Variants in SPAG9 observed in about 807,000 individuals in gnomAD.
SPAG9 encodes the protein C-Jun-amino-terminal kinase-interacting protein 4.
In SPAG9, 35 loss-of-function variants were observed where a neutral mutation model predicts 166.5. The ratio of observed to expected loss-of-function variants is 0.21; its 90% CI spans 0.16 to 0.28. The LOEUF (loss-of-function observed/expected upper bound fraction) is 0.28. Ranked by LOEUF, SPAG9 falls within the 10% of genes least tolerant of loss-of-function variation. The pLI is 1.00. For missense variants in SPAG9, 1,235 were observed against 1,603.3 expected (o/e 0.77, Z 3.92); for synonymous variants, 534 against 565.5 (o/e 0.94, Z 0.79).
intron 28 of SPAG9, among the ~76,000 whole-genome samples, chr17:50,972,958 A>G (rs776877805): frequency 2.0e-4 from 31 of 152,230 alleles, no homozygotes; most frequent in Non-Finnish European, 4.0e-4. Flanking sequence ...ATCCTTACAC[A>G]TGCACACAAG....
At chr17:51,008,697 G>T (rs1402206563) in intron 9 of SPAG9, among the ~76,000 whole-genome samples, 4 of 151,954 alleles carry the variant, frequency 2.6e-5, no homozygotes, top group African/African-American at 9.7e-5. Context: ...ACACCAGAAA[G>T]AATTAAATAT....
Position 50,966,036 on chromosome 17 carries a change from T to C in SPAG9, c.*236A>G. The C allele has an allele frequency of 2.3e-6, 1 of 428,024 alleles. No homozygotes were observed. Among genetic ancestry groups the C allele is most frequent in the Non-Finnish European group, 4.3e-6 (1 of 232,382 alleles). The allele number at this position is 428,024 out of a possible 1,614,324, so 26.5% of individuals were successfully genotyped here. A position where few individuals can be genotyped will look rare whatever the true frequency, so the allele number is the denominator to read the frequency against. Reference sequence around the variant, plus strand: ...TTCACCAGTTTGCAGGAAGTAAACATTCTTTGATTTGTTCATAATATACTG... The same window carrying C: ...TTCACCAGTTTGCAGGAAGTAAACACTCTTTGATTTGTTCATAATATACTG... On this transcript the variant is annotated 3_prime_UTR_variant, in exon 30 of 30. Coordinates refer to ENST00000262013, the MANE Select transcript of SPAG9 (RefSeq NM_001130528.3).
intron 4 of SPAG9, among the ~76,000 whole-genome samples, chr17:51,045,208 C>T (rs1372125258): frequency 6.6e-6 from 1 of 152,108 alleles, no homozygotes; most frequent in East Asian, 1.9e-4. Flanking sequence ...CACTTGCAGG[C>T]GCCGCACAGC....
At chr17:51,093,694 C>CAAAAAA (rs57010523) in intron 1 of SPAG9, among the ~76,000 whole-genome samples, 15 of 72,496 alleles carry the variant, frequency 2.1e-4, no homozygotes, top group South Asian at 5.6e-4. Context: ...GACTCCGTCT[C>CAAAAAA]AAAAAAAAAA....
chr17:51,047,262 A>G, intron 4 of SPAG9, 113 bp downstream of exon 4: 1 of 627,066 alleles, frequency 1.6e-6, no homozygotes, highest in Non-Finnish European at 2.7e-6. Context: ...CACAGTGGAG[A>G]GCTTTTTGAA....
At chr17:51,030,621 A>ATAG (rs2046348329) in intron 6 of SPAG9, among the ~76,000 whole-genome samples, 1 of 152,218 alleles carries the variant, frequency 6.6e-6, no homozygotes, top group Admixed American at 6.5e-5. Flanking sequence ...TTGACTCCTA[A>ATAG]GAGTCTGTGA....
chr17:51,041,729 T>A, intron 4 of SPAG9, 78 bp from the exon 5 acceptor site: 1 of 1,338,070 alleles, frequency 7.5e-7, no homozygotes. Context: ...GTAATAAGCC[T>A]GGACTGCCAC....
At chr17:51,096,040 T>TATATATATAGTG (rs1568084175) in intron 1 of SPAG9, among the ~76,000 whole-genome samples, 2 of 133,550 alleles carry the variant, frequency 1.5e-5, no homozygotes, top group African/African-American at 6.1e-5. Flanking sequence ...TATATAGTGA[T>TATATATATAGTG]ATATATATAT....
At chr17:51,088,473 G>A (rs931646409) in intron 1 of SPAG9, among the ~76,000 whole-genome samples, 1 of 152,106 alleles carries the variant, frequency 6.6e-6, no homozygotes. Flanking sequence ...TGAAAGCAGA[G>A]AGGAAGAAGT....
chr17:50,991,961 G>A (rs76551140), intron 19 of SPAG9, among the ~76,000 whole-genome samples: 2,723 of 126,718 alleles, frequency 0.021, 133 homozygotes, highest in East Asian at 0.17. Context: ...TTAAAACACA[G>A]GGTCTTACTC....
At chr17:50,985,041 G>GA in intron 23 of SPAG9, 51 bp from the exon 24 acceptor site, 1 of 1,525,882 alleles carries the variant, frequency 6.6e-7, no homozygotes, top group Non-Finnish European at 9.1e-7. Context: ...AATACAGAAG[G>GA]GACCACATGC....
intron 1 of SPAG9, among the ~76,000 whole-genome samples, chr17:51,106,985 C>T (rs1242700259): frequency 6.6e-6 from 1 of 151,364 alleles, no homozygotes; most frequent in African/African-American, 2.4e-5. Context: ...GCCTGTAGTC[C>T]CAGCTACTTG....
chr17:51,084,898 T>A (rs61281147), intron 1 of SPAG9, among the ~76,000 whole-genome samples: 1 of 152,124 alleles, frequency 6.6e-6, no homozygotes, highest in Non-Finnish European at 1.5e-5. Flanking sequence ...TTGCCCAGGC[T>A]GGAGTGCAGT....
At chr17:51,035,159 T>A (rs1183620317) in intron 5 of SPAG9, among the ~76,000 whole-genome samples, 1 of 152,132 alleles carries the variant, frequency 6.6e-6, no homozygotes, top group African/African-American at 2.4e-5. Flanking sequence ...AAAATTTTTT[T>A]TAAAAAAGCA....
At chr17:51,114,886 A>G (rs1221462794) in intron 1 of SPAG9, among the ~76,000 whole-genome samples, 1 of 151,604 alleles carries the variant, frequency 6.6e-6, no homozygotes, top group East Asian at 1.9e-4. Context: ...TGGGAGGCAG[A>G]GGTTGCAATG....
chr17:51,021,463 A>ATT, intron 6 of SPAG9, 98 bp from the exon 7 acceptor site: 2 of 1,034,410 alleles, frequency 1.9e-6, no homozygotes, highest in Non-Finnish European at 2.7e-6. Flanking sequence ...AGAAAGTTCT[A>ATT]TTTTTTTTTC....
At chr17:51,005,085 A>C in intron 12 of SPAG9, 127 bp downstream of exon 12, 1 of 760,160 alleles carries the variant, frequency 1.3e-6, no homozygotes, top group Non-Finnish European at 2.2e-6. Context: ...CCTATTCATG[A>C]CCATAAACAT....
rs1438064552 is a variant in SPAG9, at chr17:50,990,638, TCTC to T, written c.2426_2428del (p.Gly809del). The T allele has an allele frequency of 6.2e-7, 1 of 1,614,160 alleles. No homozygotes were observed. The highest frequency in any genetic ancestry group is 2.2e-5 in the East Asian group (1 of 44,882). ...TACCTGACCAGATTCTGAAAGATCT[TCTC>T]CTGCAGGGTAGTCTGTTTCTCGTGC... is the stretch of plus-strand genomic sequence containing the variant. On this transcript the variant is annotated inframe_deletion, in exon 20 of 30. Coordinates refer to ENST00000262013, the MANE Select transcript of SPAG9 (RefSeq NM_001130528.3).
chr17:51,075,704 G>T (rs1344806971), intron 2 of SPAG9, among the ~76,000 whole-genome samples: 1 of 151,770 alleles, frequency 6.6e-6, no homozygotes, highest in Non-Finnish European at 1.5e-5. Flanking sequence ...CATGCCTGTA[G>T]TTCCAGCTAT....
Sources: allele counts gnomAD v4.1 joint callset (sites outside exome capture counted in the v4.1 genomes callset), GRCh38; gene constraint gnomAD v4.1.1; transcripts MANE v1.5; gene names NCBI Gene and HGNC (gene_info 2026-07-23, HGNC 2026-07-21).